Variants in FOCAD observed in about 807,000 individuals in gnomAD.
FOCAD encodes the protein focadhesin.
FOCAD carries 198 observed loss-of-function variants against 225.6 expected under a neutral mutation model. The observed-to-expected ratio is 0.88, with a 90% CI of 0.78 to 0.99. The LOEUF (loss-of-function observed/expected upper bound fraction) is 0.99, where lower values mean the gene tolerates loss of function less well. FOCAD is among the 50% of genes least tolerant of loss of function. The pLI is 0.00. For synonymous variants in FOCAD, 897 were observed against 755.0 expected, an observed-to-expected ratio of 1.19 and a Z score of -3.08; for missense variants, 2,713 against 2,123.6, an observed-to-expected ratio of 1.28 and a Z score of -5.46.
intron 5 of FOCAD, among the ~76,000 whole-genome samples, chr9:20,744,561 A>G (rs916186636): frequency 1.3e-5 from 2 of 152,350 alleles, no homozygotes; most frequent in African/African-American, 2.4e-5. Flanking sequence ...CTCTAGACCC[A>G]TGAGTCTCAA....
chr9:20,772,985 T>TAG (rs34072878), intron 8 of FOCAD, among the ~76,000 whole-genome samples: 130,013 of 150,750 alleles, frequency 0.86, 56,112 homozygotes, highest in Admixed American at 0.91. Flanking sequence ...TAAATGCATA[T>TAG]ATAGATGTTT....
chr9:20,976,433 G>C lies in FOCAD; in HGVS notation c.4146G>C (p.Val1382=). 1 of 1,612,954 alleles carries C rather than the reference G, an allele frequency of 6.2e-7. No homozygotes were observed. The highest frequency in any genetic ancestry group is 8.5e-7 in the Non-Finnish European group (1 of 1,179,178). The change falls in exon 36 of 44, where the codon GTG becomes GTC. Residue 1382 remains valine, a synonymous_variant. Transcript: ENST00000338382. The part of the protein sequence containing the change: ...ITGGKKGPES[V]PPSLLKVVMK... ...TGTCTGTTATAGGTCCTGAATCTGT[G>C]CCTCCTTCCCTTCTTAAAGTAGTGA...
chr9:20,866,048 C>A, intron 17 of FOCAD, 72 bp downstream of exon 17: 1 of 1,276,392 alleles, frequency 7.8e-7, no homozygotes, highest in Non-Finnish European at 1.1e-6. Context: ...TAAAATAAGA[C>A]TCTTAGGATA....
At chr9:20,938,506 A>C (rs903288582) in intron 28 of FOCAD, among the ~76,000 whole-genome samples, 1 of 151,328 alleles carries the variant, frequency 6.6e-6, no homozygotes, top group African/African-American at 2.4e-5. Context: ...ACATGTTCTC[A>C]CTCATAGGTG....
At chr9:20,926,644 G>A (rs987408276) in intron 26 of FOCAD, among the ~76,000 whole-genome samples, 8 of 152,028 alleles carry the variant, frequency 5.3e-5, no homozygotes, top group East Asian at 1.9e-4. Flanking sequence ...TTAGCCGGGC[G>A]TGGTGGCACA....
intron 21 of FOCAD, 138 bp downstream of exon 21, chr9:20,885,368 C>A: frequency 1.3e-6 from 1 of 753,022 alleles, no homozygotes; most frequent in Non-Finnish European, 1.9e-6. Context: ...AATAGTTGAC[C>A]CAACTGAATA....
At chr9:20,786,890 T>G in intron 10 of FOCAD, 1 of 277,898 alleles carries the variant, frequency 3.6e-6, no homozygotes, top group Non-Finnish European at 7.2e-6. Flanking sequence ...ACCTTTTATT[T>G]TTAAACACCT....
chr9:20,839,687 A>T (rs1428833312), intron 15 of FOCAD, among the ~76,000 whole-genome samples: 1 of 151,952 alleles, frequency 6.6e-6, no homozygotes, highest in Non-Finnish European at 1.5e-5. Flanking sequence ...ACATAAGTGT[A>T]TATAGTTAAG....
chr9:20,661,261 T>G (rs1365793325), intron 2 of FOCAD, among the ~76,000 whole-genome samples: 2 of 152,194 alleles, frequency 1.3e-5, no homozygotes, highest in African/African-American at 2.4e-5. Flanking sequence ...AGAAGTAGCA[T>G]GAAGGGCTCA....
intron 2 of FOCAD, among the ~76,000 whole-genome samples, chr9:20,676,627 C>A (rs1353931916): frequency 2.0e-5 from 3 of 152,128 alleles, no homozygotes; most frequent in African/African-American, 4.8e-5. Context: ...AGCTCCATTC[C>A]CACAAACATT....
At chr9:20,699,631 A>G (rs987151832) in intron 1 of FOCAD, among the ~76,000 whole-genome samples, 4 of 149,072 alleles carry the variant, frequency 2.7e-5, no homozygotes, top group Non-Finnish European at 6.0e-5. Context: ...CCAGCTACTC[A>G]GGAGGCTGAG....
At chr9:20,789,686 A>C in intron 11 of FOCAD, 78 bp downstream of exon 11, 1 of 1,516,496 alleles carries the variant, frequency 6.6e-7, no homozygotes, top group South Asian at 1.2e-5. Context: ...TGCTTTGTGG[A>C]TTATTTGCAT....
intron 29 of FOCAD, among the ~76,000 whole-genome samples, chr9:20,946,300 G>T (rs866448484): frequency 1.9e-4 from 29 of 152,156 alleles, no homozygotes; most frequent in Admixed American, 1.2e-3. Context: ...TTTGGCCTTG[G>T]ATGGGAATGC....
rs140278971 is a variant in FOCAD at position 20,770,711 on chromosome 9, A to G, written c.906+473A>G. Among the ~76,000 whole-genome samples the G allele has an allele frequency of 3.7e-3, 569 of 152,328 alleles. 4 individuals are homozygous for G. Among genetic ancestry groups the G allele is most frequent in the African/African-American group, 9.2e-3 (383 of 41,568 alleles). ...AGTTATCACTCAAGTGAGTCTTTCA[A>G]TAACTGGGTGGATCTGCTCATTTAG... On this transcript the variant is annotated intron_variant, in intron 8 of 43. Transcript: ENST00000338382.
At chr9:20,800,843 C>T (rs973376723) in intron 11 of FOCAD, among the ~76,000 whole-genome samples, 2 of 152,164 alleles carry the variant, frequency 1.3e-5, no homozygotes, top group African/African-American at 4.8e-5. Flanking sequence ...CTTCTTCTCT[C>T]AACTTGTCAA....
chr9:20,987,384 T>C (rs1481725275), intron 40 of FOCAD, among the ~76,000 whole-genome samples: 1 of 151,962 alleles, frequency 6.6e-6, no homozygotes, highest in East Asian at 1.9e-4. Context: ...GGCGTAAGCA[T>C]GTAGTCCCAG....
chr9:20,957,934 G>C (rs542608030), intron 35 of FOCAD, among the ~76,000 whole-genome samples: 1 of 151,894 alleles, frequency 6.6e-6, no homozygotes, highest in Non-Finnish European at 1.5e-5. Context: ...GCCAGGCCTC[G>C]TTGCCCTTCA....
intron 35 of FOCAD, chr9:20,957,432 A>T (rs939624819): frequency 1.5e-5 from 2 of 133,218 alleles, no homozygotes; most frequent in Admixed American, 1.5e-4. Flanking sequence ...TCATTTTCGT[A>T]TTGGTCATTT....
At chr9:20,865,885 T>A (rs773328621) in intron 16 of FOCAD, 41 bp from the exon 17 acceptor site, 2 of 1,471,574 alleles carry the variant, frequency 1.4e-6, no homozygotes, top group Admixed American at 1.9e-5. Flanking sequence ...CAGTTTTAGC[T>A]TGGTCTTAAC....
Sources: gnomAD v4.1 joint callset for allele counts (sites outside exome capture counted in the v4.1 genomes callset) on GRCh38, gnomAD v4.1.1 for gene constraint, MANE v1.5 for transcripts, NCBI Gene and HGNC (gene_info 2026-07-23, HGNC 2026-07-21) for gene names.